Variants in EPHA6 observed in about 807,000 individuals in gnomAD.
The protein encoded by EPHA6 is EPH receptor A6.
Under a neutral mutation model 112.0 loss-of-function variants are expected in EPHA6, and 50 were observed. The observed-to-expected ratio is 0.45, with a 90% confidence interval of 0.36 to 0.56. The LOEUF (loss-of-function observed/expected upper bound fraction) is 0.56, where lower values mean the gene tolerates loss of function less well. Among genes scored for constraint, EPHA6 ranks in the 20% least tolerant of loss-of-function variants. The pLI is 0.00. For missense variants in EPHA6, 1,280 were observed against 1,417.4 expected (o/e 0.90, Z 1.56); for synonymous variants, 529 against 490.7 (o/e 1.08, Z -1.03).
chr3:97,359,899 C>A (rs893987432), intron 5 of EPHA6, among the ~76,000 whole-genome samples: 7 of 152,096 alleles, frequency 4.6e-5, no homozygotes, highest in African/African-American at 1.7e-4. Context: ...CTAATTTTTT[C>A]TGTGTCTTTC....
intron 5 of EPHA6, among the ~76,000 whole-genome samples, chr3:97,386,402 C>CA (rs2086071058): frequency 6.6e-6 from 1 of 151,984 alleles, no homozygotes; most frequent in Admixed American, 6.6e-5. Context: ...AGAAATTAGC[C>CA]AAAACAAAGG....
intron 10 of EPHA6, among the ~76,000 whole-genome samples, chr3:97,516,116 T>A (rs572658764): frequency 9.8e-5 from 15 of 152,326 alleles, no homozygotes; most frequent in African/African-American, 3.6e-4. Flanking sequence ...AAGACTCACA[T>A]AGCTTTACAA....
intron 3 of EPHA6, among the ~76,000 whole-genome samples, chr3:97,132,560 A>T (rs1163554798): frequency 6.6e-6 from 1 of 152,062 alleles, no homozygotes; most frequent in African/African-American, 2.4e-5. Context: ...GCTGTTTTCC[A>T]GATGCTTGTG....
intron 10 of EPHA6, among the ~76,000 whole-genome samples, chr3:97,518,783 T>C (rs974188693): frequency 6.6e-6 from 1 of 152,168 alleles, no homozygotes; most frequent in African/African-American, 2.4e-5. Context: ...TATGTCTTCT[T>C]TGCAAAATGT....
At chr3:97,367,043 A>C (rs1278729191) in intron 5 of EPHA6, among the ~76,000 whole-genome samples, 1 of 152,124 alleles carries the variant, frequency 6.6e-6, no homozygotes, top group Non-Finnish European at 1.5e-5. Flanking sequence ...ATAAATTAGG[A>C]ACTTGTTCAA....
intron 2 of EPHA6, among the ~76,000 whole-genome samples, chr3:96,872,061 A>C (rs1240102239): frequency 6.6e-6 from 1 of 152,084 alleles, no homozygotes; most frequent in African/African-American, 2.4e-5. Context: ...TAATTCTTAC[A>C]TTTCTTCATT....
At chr3:97,436,800 G>A (rs190220148) in intron 6 of EPHA6, among the ~76,000 whole-genome samples, 4 of 152,118 alleles carry the variant, frequency 2.6e-5, no homozygotes, top group Non-Finnish European at 5.9e-5. Flanking sequence ...TTTGCTCTCT[G>A]GTAATTTCAT....
intron 2 of EPHA6, among the ~76,000 whole-genome samples, chr3:96,907,399 A>G (rs1247187848): frequency 6.6e-6 from 1 of 151,732 alleles, no homozygotes; most frequent in Non-Finnish European, 1.5e-5. Flanking sequence ...TAGAAAACTT[A>G]AAAACTAGGA....
At chr3:97,627,468 C>G (rs2093867894) in intron 13 of EPHA6, among the ~76,000 whole-genome samples, 1 of 151,698 alleles carries the variant, frequency 6.6e-6, no homozygotes, top group Non-Finnish European at 1.5e-5. Flanking sequence ...AAGTGGATAC[C>G]TGAGAGAAAA....
chr3:96,845,777 G>A (rs540407384), intron 1 of EPHA6, among the ~76,000 whole-genome samples: 1 of 152,010 alleles, frequency 6.6e-6, no homozygotes, highest in South Asian at 2.1e-4. Flanking sequence ...TTGAATTGTG[G>A]AGCATCTGTT....
rs375981830 is a variant in EPHA6 at position 97,743,002 on chromosome 3, G to C, written c.3129-4421G>C. On this transcript the variant is annotated intron_variant, in intron 16 of 17. Transcript: ENST00000389672. ...AATGTGCTGTTGTTGCTCTAGGTCT[G>C]GTTATAATTGCAGGTGAACCCTTAA... Among the ~76,000 whole-genome samples the C allele has an allele frequency of 5.7e-4, 87 of 152,148 alleles. No individual in the cohort carries two copies. In the South Asian group the frequency reaches 0.013, roughly 22 times the overall value.
At chr3:96,969,068 G>C (rs1168818671) in intron 2 of EPHA6, among the ~76,000 whole-genome samples, 1 of 151,720 alleles carries the variant, frequency 6.6e-6, no homozygotes, top group Non-Finnish European at 1.5e-5. Context: ...TCTCAACCTG[G>C]TTCAGCAGTT....
At chr3:97,717,493 CT>C (rs1268816227) in intron 14 of EPHA6, among the ~76,000 whole-genome samples, 3 of 152,182 alleles carry the variant, frequency 2.0e-5, no homozygotes, top group Non-Finnish European at 4.4e-5. Flanking sequence ...AGGCCCCACT[CT>C]GTGGCTTACA....
At chr3:97,341,655 T>C (rs1041297655) in intron 5 of EPHA6, among the ~76,000 whole-genome samples, 1 of 152,138 alleles carries the variant, frequency 6.6e-6, no homozygotes, top group Admixed American at 6.6e-5. Flanking sequence ...TTAATATATA[T>C]TAAGTGTAAC....
At chr3:96,864,200 C>A (rs1233430600) in intron 1 of EPHA6, among the ~76,000 whole-genome samples, 2 of 151,974 alleles carry the variant, frequency 1.3e-5, no homozygotes, top group African/African-American at 4.8e-5. Context: ...TTCTGTATAA[C>A]CCACTAATCT....
At chr3:97,639,309 A>C (rs766127155) in intron 14 of EPHA6, among the ~76,000 whole-genome samples, 1 of 151,980 alleles carries the variant, frequency 6.6e-6, no homozygotes. Context: ...CTCCATTTTT[A>C]AATTGGAAAA....
intron 3 of EPHA6, among the ~76,000 whole-genome samples, chr3:97,180,423 T>A (rs1559778618): frequency 6.6e-6 from 1 of 152,104 alleles, no homozygotes; most frequent in Non-Finnish European, 1.5e-5. Flanking sequence ...AAGACCCCTT[T>A]ACTTTTCTTT....
At chr3:96,978,963 CAT>C (rs140278028) in intron 2 of EPHA6, among the ~76,000 whole-genome samples, 2,790 of 152,182 alleles carry the variant, frequency 0.018, 70 homozygotes, top group African/African-American at 0.052. Flanking sequence ...AAGTTAATCT[CAT>C]ATTTTCAGAG....
intron 2 of EPHA6, among the ~76,000 whole-genome samples, chr3:96,977,654 A>C (rs1346581927): frequency 6.6e-6 from 1 of 152,022 alleles, no homozygotes; most frequent in Non-Finnish European, 1.5e-5. Flanking sequence ...TAAAAGGTTA[A>C]AATTGACCCC....
Sources: gnomAD v4.1 joint callset for allele counts (sites outside exome capture counted in the v4.1 genomes callset) on GRCh38, gnomAD v4.1.1 for gene constraint, MANE v1.5 for transcripts, NCBI Gene and HGNC (gene_info 2026-07-23, HGNC 2026-07-21) for gene names.